Variants in CCDC120 observed in about 807,000 individuals in gnomAD.
CCDC120 encodes coiled-coil domain-containing protein 120.
Under a neutral mutation model 37.6 loss-of-function variants are expected in CCDC120, and 16 were observed. The observed-to-expected ratio is 0.43, with a 90% CI of 0.29 to 0.65. The LOEUF is 0.65. Among genes scored for constraint, CCDC120 ranks in the 30% least tolerant of loss-of-function variants. The pLI is 0.18. For missense variants in CCDC120, 650 were observed against 657.4 expected, an observed-to-expected ratio of 0.99 and a Z score of 0.12; for synonymous variants, 309 against 275.4, an observed-to-expected ratio of 1.12 and a Z score of -1.21.
chrX:49,068,976 C>T lies in CCDC120; in HGVS notation c.*318C>T. 1 of 177,495 alleles carries T rather than the reference C, an allele frequency of 5.6e-6. No homozygotes were observed. The highest frequency in any genetic ancestry group is 1.1e-5 in the Non-Finnish European group (1 of 94,465). 14.6% of individuals were successfully genotyped at this position (177,495 alleles called of 1,213,427 possible). On this transcript the variant is annotated 3_prime_UTR_variant, in exon 11 of 11. Transcript: ENST00000603986. ...TTCACTGTCTTCCTCCAACACTAGGCGTTTTACAAAAGGGAAACTGTGATC... is the reference window on the plus strand; with the variant it reads ...TTCACTGTCTTCCTCCAACACTAGGTGTTTTACAAAAGGGAAACTGTGATC...
chrX:49,054,029 A>C (rs1297335177), upstream of CCDC120, among the ~76,000 whole-genome samples: 1 of 111,977 alleles, frequency 8.9e-6, no homozygotes, highest in African/African-American at 3.2e-5. Flanking sequence ...CATCTTTTTT[A>C]AACCTCAACC....
At chrX:49,065,333 C>T in intron 7 of CCDC120, 121 bp from the exon 8 acceptor site, 2 of 856,167 alleles carry the variant, frequency 2.3e-6, no homozygotes, top group Non-Finnish European at 3.3e-6. Context: ...CTTAGTTCCT[C>T]CTCAGCCTGC....
chrX:49,067,958 C>T lies in CCDC120; in HGVS notation c.1844C>T (p.Pro615Leu), dbSNP rs1174437495. The T allele has an allele frequency of 1.7e-6, 2 of 1,148,058 alleles. No individual in the cohort carries two copies. The highest frequency in any genetic ancestry group is 6.6e-5 in the East Asian group (2 of 30,441). 94.6% of individuals were successfully genotyped at this position (1,148,058 alleles called of 1,213,427 possible). A position where few individuals can be genotyped will look rare whatever the true frequency, so the allele number is the denominator to read the frequency against. Residue 615 changes from proline (P) to leucine (L), a missense_variant, in exon 10 of 11, where the codon CCT (proline) becomes CTT (leucine). By Grantham distance (98) the Pro-to-Leu change is moderately conservative. Coordinates refer to ENST00000603986, the MANE Select transcript of CCDC120 (RefSeq NM_001163321.4). ...GGGCCCCAGCGCCGGCCTGTGCTCC[C>T]TTCCGTGGGCCCGCCACACCCACCC... ...AAGPQRRPVL[P>L]SVGPPHPPFL...
At chrX:49,061,113 A>G (rs1187692750) in intron 1 of CCDC120, among the ~76,000 whole-genome samples, 3 of 111,701 alleles carry the variant, frequency 2.7e-5, no homozygotes, top group Non-Finnish European at 3.8e-5. Flanking sequence ...GGCAGGTTCC[A>G]TGGTCAGCTG....
chrX:49,064,730 G>A, intron 6 of CCDC120, 66 bp downstream of exon 6: 3 of 1,085,037 alleles, frequency 2.8e-6, no homozygotes, highest in Non-Finnish European at 3.7e-6. Flanking sequence ...GGCTGGGATG[G>A]GTGACTGGCC....
upstream of CCDC120, among the ~76,000 whole-genome samples, chrX:49,054,447 C>G (rs782782242): frequency 1.2e-4 from 13 of 111,195 alleles, no homozygotes; most frequent in Non-Finnish European, 2.1e-4. Flanking sequence ...GATCTGCATC[C>G]TGGCTCACCA....
Position 49,067,839 on chromosome X carries a change from C to T in CCDC120, c.1725C>T (p.Thr575=), listed in dbSNP as rs2064977409. ...CTCTGCTGTGGATGCCCCCACCCAC[C>T]CGTATCCCCTCGGCTGGTGAACGCA... ...PNPLLWMPPP[T]RIPSAGERSG... Residue 575 remains threonine (T), a synonymous_variant, in exon 10 of 11, where the codon ACC becomes ACT. Coordinates refer to ENST00000603986, the MANE Select transcript of CCDC120 (RefSeq NM_001163321.4). The T allele has an allele frequency of 2.5e-6, 3 of 1,179,773 alleles. No homozygotes were observed. Among genetic ancestry groups the T allele is most frequent in the Middle Eastern group, 2.4e-4 (1 of 4,185 alleles).
chrX:49,067,066 T>C, intron 9 of CCDC120, 110 bp from the exon 10 acceptor site: 2 of 672,506 alleles, frequency 3.0e-6, no homozygotes, highest in Admixed American at 6.3e-5. Flanking sequence ...TTGGGCCCAT[T>C]TGGAGATGTG....
intron 1 of CCDC120, among the ~76,000 whole-genome samples, chrX:49,059,724 C>T (rs1360704581): frequency 8.9e-6 from 1 of 111,880 alleles, no homozygotes; most frequent in East Asian, 2.8e-4. Flanking sequence ...AATGGCAGAC[C>T]TGAAAAACCT....
At position 49,061,976 on chromosome X, in the gene CCDC120, G is replaced by T; in HGVS notation, c.-66G>T. On this transcript the variant is annotated 5_prime_UTR_variant, in exon 2 of 11. Transcript: ENST00000603986. ...TTCCCCAGGCAAGACTCGTGGCTGT[G>T]ACCCATGGGCCTCTGAGGAGGCGTT... 8.7e-7 allele frequency: 1 copy of T among 1,142,967 alleles called. No homozygotes were observed. The highest frequency in any genetic ancestry group is 2.0e-5 in the South Asian group (1 of 50,586). The allele number at this position is 1,142,967 out of a possible 1,213,427, so 94.2% of individuals were successfully genotyped here.
rs1365548758 is a variant in CCDC120, at chrX:49,065,917, GACA to G, written c.1061+76_1061+78del. 7.2e-6 allele frequency: 7 copies of G among 979,016 alleles called. No individual in the cohort carries two copies. The East Asian group carries it at 1.7e-4, about 24-fold the overall frequency. 80.7% of individuals were successfully genotyped at this position (979,016 alleles called of 1,213,427 possible). A position where few individuals can be genotyped will look rare whatever the true frequency, so the allele number is the denominator to read the frequency against. On this transcript the variant is annotated intron_variant, in intron 9 of 10. Coordinates refer to ENST00000603986, the MANE Select transcript of CCDC120 (RefSeq NM_001163321.4). ...CATTAGTTCTCACTGGAAGCTTGAG[GACA>G]ACATTATCAAAAGGTGGGATGGCTG...
chrX:49,054,381 C>T (rs957042596), upstream of CCDC120, among the ~76,000 whole-genome samples: 2 of 111,287 alleles, frequency 1.8e-5, no homozygotes, highest in Non-Finnish European at 3.8e-5. Flanking sequence ...GATTCCTGCC[C>T]TCTAACTTCT....
chrX:49,056,947 C>A (rs59826546), upstream of CCDC120, among the ~76,000 whole-genome samples: 9,758 of 111,621 alleles, frequency 0.087, 1,150 homozygotes, highest in African/African-American at 0.3. Context: ...TTATCATCGT[C>A]CCCAATTGAC....
intron 9 of CCDC120, 200 bp from the exon 10 acceptor site, chrX:49,066,975 CT>C: frequency 2.3e-6 from 1 of 429,070 alleles, no homozygotes; most frequent in Non-Finnish European, 4.1e-6. Flanking sequence ...ATTTCTACCC[CT>C]GACCGCCTAG....
rs782469793 is a variant in CCDC120 at position 49,067,417 on chromosome X, C to T, written c.1303C>T (p.Arg435Cys). ...CAAGAGCAGTGAGGTGCTGTATGAGCGCCCCCAACCAACCCCTGCCTTCTC... is the reference window on the plus strand; with the variant it reads ...CAAGAGCAGTGAGGTGCTGTATGAGTGCCCCCAACCAACCCCTGCCTTCTC... Reference protein sequence around the residue: ...VCKSSEVLYERPQPTPAFSSR... With the variant: ...VCKSSEVLYECPQPTPAFSSR... The change falls in exon 10 of 11, where the codon CGC becomes TGC. Residue 435 changes from arginine (R) to cysteine (C), a missense_variant. Arg to Cys is a radical substitution (Grantham distance 180, BLOSUM62 -3). Coordinates refer to ENST00000603986, the MANE Select transcript of CCDC120 (RefSeq NM_001163321.4). 1.9e-4 allele frequency: 229 copies of T among 1,188,539 alleles called. No homozygotes were observed. Among genetic ancestry groups the T allele is most frequent in the Non-Finnish European group, 2.4e-4 (210 of 885,188 alleles).
At chrX:49,057,001 C>T (rs2064835724), upstream of CCDC120, among the ~76,000 whole-genome samples, 1 of 112,318 alleles carries the variant, frequency 8.9e-6, no homozygotes, top group South Asian at 3.7e-4. Flanking sequence ...AGCAGTCACA[C>T]AGCTAGTAAG....
At position 49,067,641 on chromosome X, in the gene CCDC120, C is replaced by T. The variant is rs782507881; in HGVS notation, c.1527C>T (p.Pro509=). 1.1e-5 allele frequency: 13 copies of T among 1,197,061 alleles called. No individual in the cohort carries two copies. The East Asian group carries it at 2.4e-4, about 22-fold the overall frequency. ...ELPPAAEVPG[P]LSRRDGLLTM... ...CGCCTGCAGCTGAGGTCCCAGGACC[C>T]CTCTCCCGCCGGGATGGGCTCCTCA... is the stretch of plus-strand genomic sequence containing the variant. Residue 509 remains proline (P), a synonymous_variant, in exon 10 of 11, where the codon CCC becomes CCT. Coordinates refer to ENST00000603986, the MANE Select transcript of CCDC120 (RefSeq NM_001163321.4).
In CCDC120 at chrX:49,067,848, C is replaced by G; in HGVS notation, c.1734C>G (p.Pro578=). Residue 578 remains proline (P), a synonymous_variant, in exon 10 of 11, where the codon CCC becomes CCG. Coordinates refer to ENST00000603986, the MANE Select transcript of CCDC120 (RefSeq NM_001163321.4). ...LLWMPPPTRI[P]SAGERSGHKN... is the part of the protein sequence containing the mutation. ...GGATGCCCCCACCCACCCGTATCCC[C>G]TCGGCTGGTGAACGCAGTGGCCACA... is the stretch of plus-strand genomic sequence containing the variant. 1 of 1,176,351 alleles carries G rather than the reference C, an allele frequency of 8.5e-7. No homozygotes were observed. Among genetic ancestry groups the G allele is most frequent in the Non-Finnish European group, 1.1e-6 (1 of 877,165 alleles).
At chrX:49,058,757 A>C (rs1338106128), upstream of CCDC120, among the ~76,000 whole-genome samples, 1 of 112,571 alleles carries the variant, frequency 8.9e-6, no homozygotes, top group Non-Finnish European at 1.9e-5. Flanking sequence ...TCTTGGCTTC[A>C]AGCAATCCTC....
Sources: allele counts gnomAD v4.1 joint callset (sites outside exome capture counted in the v4.1 genomes callset), GRCh38; gene constraint gnomAD v4.1.1; transcripts MANE v1.5; gene names NCBI Gene and HGNC (gene_info 2026-07-23, HGNC 2026-07-21).